CDKAL1: variants seen among roughly 807,000 people sequenced by gnomAD.
CDKAL1 encodes threonylcarbamoyladenosine tRNA methylthiotransferase.
A neutral mutation model predicts 68.2 loss-of-function variants in CDKAL1; 32 were observed. That is an observed-to-expected ratio of 0.47 (90% CI 0.35 to 0.63). The LOEUF is 0.63. CDKAL1 is among the 30% of genes least tolerant of loss of function. CDKAL1 has a pLI of 0.00. For missense variants in CDKAL1, 606 were observed against 696.7 expected (o/e 0.87, Z 1.47); for synonymous variants, 234 against 244.3 (o/e 0.96, Z 0.39).
intron 11 of CDKAL1, among the ~76,000 whole-genome samples, chr6:21,017,340 G>T (rs1768401979): frequency 6.6e-6 from 1 of 152,220 alleles, no homozygotes; most frequent in Non-Finnish European, 1.5e-5. Flanking sequence ...GAATCTTGTA[G>T]TAGAAGCAAA....
chr6:20,545,296 C>G (rs1404309706), intron 2 of CDKAL1, among the ~76,000 whole-genome samples: 1 of 151,834 alleles, frequency 6.6e-6, no homozygotes, highest in South Asian at 2.1e-4. Flanking sequence ...ATGTGCTTAT[C>G]TTCTTGCAAG....
chr6:20,799,040 G>GTTTTTT (rs754008816), intron 8 of CDKAL1, among the ~76,000 whole-genome samples: 6,120 of 47,388 alleles, frequency 0.13, 2,224 homozygotes, highest in Non-Finnish European at 0.17. Context: ...AAAGAACTGA[G>GTTTTTT]TTTTTTTTTT....
At chr6:21,182,114 T>C (rs907243659) in intron 13 of CDKAL1, among the ~76,000 whole-genome samples, 2 of 152,184 alleles carry the variant, frequency 1.3e-5, no homozygotes, top group African/African-American at 4.8e-5. Flanking sequence ...CAAAAGTCTA[T>C]GTGAAAGTGA....
At chr6:21,166,831 T>A (rs1278951710) in intron 13 of CDKAL1, among the ~76,000 whole-genome samples, 1 of 152,244 alleles carries the variant, frequency 6.6e-6, no homozygotes, top group Non-Finnish European at 1.5e-5. Flanking sequence ...ACTCTGACTG[T>A]CTGTCTCATG....
Position 20,731,745 on chromosome 6 carries a change from A to G in CDKAL1, c.372-7774A>G, listed in dbSNP as rs1581466494. On this transcript the variant is annotated intron_variant, in intron 5 of 15. Coordinates refer to ENST00000274695, the MANE Select transcript of CDKAL1 (RefSeq NM_017774.3). ...GGTGACATAAATAGGCGTTGACAGTAATTTTCAGGGTATGAAAGGTTCAGT... is the reference window on the plus strand; with the variant it reads ...GGTGACATAAATAGGCGTTGACAGTGATTTTCAGGGTATGAAAGGTTCAGT... Among the ~76,000 whole-genome samples, 3 of 152,302 alleles carry G rather than the reference A, an allele frequency of 2.0e-5. No individual in the cohort carries two copies. In the South Asian group the frequency reaches 6.2e-4, roughly 32 times the overall value.
chr6:20,786,003 C>T (rs1245621907), intron 8 of CDKAL1, among the ~76,000 whole-genome samples: 3 of 152,108 alleles, frequency 2.0e-5, no homozygotes, highest in Non-Finnish European at 4.4e-5. Context: ...GGTGGATCAC[C>T]TGAGGTCAGT....
intron 4 of CDKAL1, among the ~76,000 whole-genome samples, chr6:20,634,553 A>G (rs1028759495): frequency 3.3e-5 from 5 of 152,224 alleles, no homozygotes; most frequent in Non-Finnish European, 5.9e-5. Context: ...CAGGTGTGAC[A>G]TGATGGCTTA....
At chr6:21,090,558 T>G (rs1185197625) in intron 12 of CDKAL1, among the ~76,000 whole-genome samples, 2 of 152,202 alleles carry the variant, frequency 1.3e-5, no homozygotes, top group African/African-American at 4.8e-5. Flanking sequence ...ATTATGGAGT[T>G]ATATATTTTT....
chr6:20,647,985 G>C (rs1240586569), intron 4 of CDKAL1, among the ~76,000 whole-genome samples: 6 of 150,292 alleles, frequency 4.0e-5, no homozygotes, highest in Non-Finnish European at 8.9e-5. Context: ...TGAGGCAGGA[G>C]AATGTCGTGA....
intron 4 of CDKAL1, among the ~76,000 whole-genome samples, chr6:20,565,569 C>T (rs1244285449): frequency 6.6e-6 from 1 of 152,084 alleles, no homozygotes; most frequent in Non-Finnish European, 1.5e-5. Context: ...AATGTTCACT[C>T]TTCTAGCAGG....
intron 9 of CDKAL1, among the ~76,000 whole-genome samples, chr6:20,889,329 C>G (rs1186253616): frequency 1.3e-5 from 2 of 152,122 alleles, no homozygotes; most frequent in Non-Finnish European, 2.9e-5. Flanking sequence ...GTTGCCTATT[C>G]ACTCTGATGG....
At chr6:20,621,874 T>G (rs1475035194) in intron 4 of CDKAL1, among the ~76,000 whole-genome samples, 1 of 151,894 alleles carries the variant, frequency 6.6e-6, no homozygotes, top group Non-Finnish European at 1.5e-5. Flanking sequence ...CCAAGAAGCC[T>G]TGATTCCTTT....
chr6:20,811,960 G>T (rs1332162039), intron 8 of CDKAL1, among the ~76,000 whole-genome samples: 2 of 151,956 alleles, frequency 1.3e-5, no homozygotes, highest in Non-Finnish European at 2.9e-5. Flanking sequence ...TAGATCCCTG[G>T]TCATACGTAA....
chr6:21,003,343 A>AATATATATATATAT (rs71540608), intron 11 of CDKAL1, among the ~76,000 whole-genome samples: 457 of 40,380 alleles, frequency 0.011, 31 homozygotes, highest in South Asian at 0.026. Flanking sequence ...ATCTCTACTA[A>AATATATATATATAT]ATATATATAT....
intron 4 of CDKAL1, among the ~76,000 whole-genome samples, chr6:20,576,206 A>T (rs1222547148): frequency 3.9e-5 from 6 of 152,268 alleles, no homozygotes; most frequent in Non-Finnish European, 8.8e-5. Flanking sequence ...ACATGTAAAC[A>T]TGTTACACAG....
intron 10 of CDKAL1, among the ~76,000 whole-genome samples, chr6:20,966,104 G>T (rs1765298838): frequency 6.6e-6 from 1 of 152,246 alleles, no homozygotes; most frequent in South Asian, 2.1e-4. Context: ...AACAGACGGG[G>T]GTAATGAAGT....
intron 5 of CDKAL1, among the ~76,000 whole-genome samples, chr6:20,690,280 C>T (rs2127801874): frequency 1.3e-5 from 2 of 152,164 alleles, no homozygotes; most frequent in South Asian, 2.1e-4. Context: ...AGATTTTATC[C>T]AATTTTTTAT....
At chr6:20,987,896 C>G (rs1766562104) in intron 10 of CDKAL1, among the ~76,000 whole-genome samples, 1 of 151,230 alleles carries the variant, frequency 6.6e-6, no homozygotes, top group Non-Finnish European at 1.5e-5. Context: ...CCTTCTACCT[C>G]GGCCTCCCAA....
chr6:20,623,019 GGT>G, intron 4 of CDKAL1, among the ~76,000 whole-genome samples: 1 of 151,784 alleles, frequency 6.6e-6, no homozygotes, highest in South Asian at 2.1e-4. Flanking sequence ...GCATATTTGT[GGT>G]GACTAATTAT....
Sources: allele counts gnomAD v4.1 joint callset (sites outside exome capture counted in the v4.1 genomes callset), GRCh38; gene constraint gnomAD v4.1.1; transcripts MANE v1.5; gene names NCBI Gene and HGNC (gene_info 2026-07-23, HGNC 2026-07-21).